Variants in MICAL3 observed in about 807,000 individuals in gnomAD.
MICAL3 encodes the protein microtubule associated monooxygenase, calponin and LIM domain containing 3, also known as [F-actin]-monooxygenase MICAL3.
Under a neutral mutation model 207.4 loss-of-function variants are expected in MICAL3, and 62 were observed. The ratio of observed to expected loss-of-function variants is 0.30; its 90% CI spans 0.24 to 0.37. The LOEUF (loss-of-function observed/expected upper bound fraction) is 0.37. MICAL3 is among the 10% of genes least tolerant of loss of function. The pLI, the probability that MICAL3 is intolerant of heterozygous loss-of-function variation, is 1.00. For synonymous variants in MICAL3, 1,077 were observed against 1,069.3 expected, an observed-to-expected ratio of 1.01 and a Z score of -0.14; for missense variants, 2,368 against 2,635.6, an observed-to-expected ratio of 0.90 and a Z score of 2.22.
At chr22:17,875,530 A>C in intron 16 of MICAL3, 1 of 1,553,546 alleles carries the variant, frequency 6.4e-7, no homozygotes, top group Non-Finnish European at 8.7e-7. Context: ...TCGACAAAAA[A>C]TCGACGAGGA....
chr22:17,932,487 T>C (rs1348335698), intron 1 of MICAL3, among the ~76,000 whole-genome samples: 1 of 152,058 alleles, frequency 6.6e-6, no homozygotes, highest in Admixed American at 6.5e-5. Flanking sequence ...GCACTAAACA[T>C]GGAAAGAAAT....
At chr22:17,877,892 G>A (rs539150598) in intron 16 of MICAL3, among the ~76,000 whole-genome samples, 4 of 149,562 alleles carry the variant, frequency 2.7e-5, no homozygotes, top group East Asian at 2.0e-4. Context: ...TGGCTCTGTC[G>A]CCCAGGCTGG....
intron 9 of MICAL3, 50 bp from the exon 10 acceptor site, chr22:17,895,460 T>C: frequency 6.2e-7 from 1 of 1,602,262 alleles, no homozygotes; most frequent in East Asian, 2.2e-5. Context: ...ACCATGAACA[T>C]CTCCCTCTCG....
rs1178402973 is a variant in MICAL3, at chr22:17,789,893, A to G, written c.*839T>C. The G allele has an allele frequency of 6.6e-6, 1 of 152,224 alleles. No homozygotes were observed. Among genetic ancestry groups the G allele is most frequent in the Non-Finnish European group, 1.5e-5 (1 of 68,040 alleles). The allele number at this position is 152,224 out of a possible 1,614,324, so 9.4% of individuals were successfully genotyped here. A position where few individuals can be genotyped will look rare whatever the true frequency, so the allele number is the denominator to read the frequency against. On this transcript the variant is annotated 3_prime_UTR_variant, in exon 32 of 32. Transcript: ENST00000441493. ...GTTGTCAGCTTCATTTCAACGTGCAAACACAGGAAAAACACGGAGGAAAAG... is the reference window on the plus strand; with the variant it reads ...GTTGTCAGCTTCATTTCAACGTGCAGACACAGGAAAAACACGGAGGAAAAG...
At chr22:17,810,236 G>T (rs978638972) in intron 28 of MICAL3, among the ~76,000 whole-genome samples, 5 of 151,530 alleles carry the variant, frequency 3.3e-5, no homozygotes, top group Admixed American at 3.3e-4. Context: ...CTAATTTTTT[G>T]TATTTTTAGT....
intron 29 of MICAL3, among the ~76,000 whole-genome samples, chr22:17,802,489 G>A (rs1222865765): frequency 2.6e-5 from 4 of 152,156 alleles, no homozygotes; most frequent in East Asian, 1.9e-4. Flanking sequence ...ACCAGTGGTC[G>A]TTGAGTGTGG....
At chr22:17,953,930 C>CAAAAAAAAGAAAAAAAAAAAAAAAAAAA in intron 1 of MICAL3, among the ~76,000 whole-genome samples, 1 of 86,538 alleles carries the variant, frequency 1.2e-5, no homozygotes, top group Non-Finnish European at 2.3e-5. Context: ...GACTCCATCT[C>CAAAAAAAAGAAAAAAAAAAAAAAAAAAA]AAAAAAAAAA....
At chr22:17,854,581 T>C (rs1050306295) in intron 19 of MICAL3, among the ~76,000 whole-genome samples, 2 of 151,976 alleles carry the variant, frequency 1.3e-5, no homozygotes, top group African/African-American at 2.4e-5. Flanking sequence ...GAGAGGTGCA[T>C]GCTGTGACAA....
intron 29 of MICAL3, among the ~76,000 whole-genome samples, chr22:17,798,236 G>A (rs753692950): frequency 1.6e-4 from 24 of 152,334 alleles, no homozygotes; most frequent in Non-Finnish European, 2.9e-4. Context: ...GCTTGCAAGC[G>A]TTTTAGAATA....
chr22:17,987,752 T>C (rs931195014), intron 1 of MICAL3, among the ~76,000 whole-genome samples: 2 of 152,194 alleles, frequency 1.3e-5, no homozygotes, highest in Non-Finnish European at 2.9e-5. Context: ...AAACCCACAC[T>C]GAATTATTTA....
At chr22:18,022,779 G>C (rs1478200452) in intron 1 of MICAL3, among the ~76,000 whole-genome samples, 1 of 152,080 alleles carries the variant, frequency 6.6e-6, no homozygotes, top group African/African-American at 2.4e-5. Flanking sequence ...GTGGGTGGTG[G>C]GGGGATATAC....
chr22:18,013,240 A>G (rs948073917), intron 1 of MICAL3, among the ~76,000 whole-genome samples: 3 of 152,242 alleles, frequency 2.0e-5, no homozygotes, highest in Non-Finnish European at 4.4e-5. Context: ...TTTGCTTTGC[A>G]TTCAGTTATA....
intron 1 of MICAL3, among the ~76,000 whole-genome samples, chr22:17,971,299 C>T (rs1020666529): frequency 5.3e-5 from 8 of 152,144 alleles, no homozygotes; most frequent in Non-Finnish European, 1.5e-5. Context: ...GAAACCCCAT[C>T]TCTACTAAAA....
intron 28 of MICAL3, 53 bp from the exon 29 acceptor site, chr22:17,808,990 G>C (rs1450773800): frequency 1.4e-6 from 2 of 1,447,726 alleles, no homozygotes; most frequent in Non-Finnish European, 1.9e-6. Flanking sequence ...TGCTTCAGGA[G>C]GACACACAAC....
chr22:17,953,930 C>CAAAAAAAAAAAAA (rs59740388), intron 1 of MICAL3, among the ~76,000 whole-genome samples: 73 of 86,510 alleles, frequency 8.4e-4, no homozygotes, highest in African/African-American at 1.1e-3. Context: ...GACTCCATCT[C>CAAAAAAAAAAAAA]AAAAAAAAAA....
intron 1 of MICAL3, among the ~76,000 whole-genome samples, chr22:18,016,329 G>A (rs1412549960): frequency 6.6e-6 from 1 of 152,086 alleles, no homozygotes; most frequent in Non-Finnish European, 1.5e-5. Context: ...TTCTTTTTAT[G>A]AACTGTGAAT....
intron 1 of MICAL3, among the ~76,000 whole-genome samples, chr22:17,982,679 T>TCATAA (rs11268253): frequency 0.13 from 19,174 of 142,986 alleles, 1,470 homozygotes; most frequent in Non-Finnish European, 0.16. Context: ...TCAAAAAAAT[T>TCATAA]CATAACATAA....
intron 1 of MICAL3, among the ~76,000 whole-genome samples, chr22:17,999,200 A>G (rs896047031): frequency 6.6e-6 from 1 of 152,228 alleles, no homozygotes; most frequent in Non-Finnish European, 1.5e-5. Context: ...CAGATGCAGG[A>G]AAGGGTCCCC....
intron 21 of MICAL3, among the ~76,000 whole-genome samples, 179 bp from the exon 22 acceptor site, chr22:17,827,960 T>TGGACACACAGACACAC (rs1384256135): frequency 1.4e-5 from 2 of 144,974 alleles, no homozygotes; most frequent in Non-Finnish European, 3.0e-5. Flanking sequence ...CACAGACGCA[T>TGGACACACAGACACAC]GGACACACAG....
Sources: allele counts gnomAD v4.1 joint callset (sites outside exome capture counted in the v4.1 genomes callset), GRCh38; gene constraint gnomAD v4.1.1; transcripts MANE v1.5; gene names NCBI Gene and HGNC (gene_info 2026-07-23, HGNC 2026-07-21).